APLF: variants seen among roughly 807,000 people sequenced by gnomAD.
APLF encodes aprataxin and PNK-like factor.
Under a neutral mutation model 55.6 loss-of-function variants are expected in APLF, and 61 were observed. That is an observed-to-expected ratio of 1.10 (90% confidence interval 0.89 to 1.36). APLF has a LOEUF of 1.36. Ranked by LOEUF, APLF falls within the 40% of genes most tolerant of loss-of-function variation. The pLI is 0.00. For missense variants in APLF, 611 were observed against 602.5 expected (o/e 1.01, Z -0.15); for synonymous variants, 207 against 214.8 (o/e 0.96, Z 0.32).
intron 5 of APLF, among the ~76,000 whole-genome samples, chr2:68,521,277 G>C (rs79750039): frequency 6.6e-6 from 1 of 151,644 alleles, no homozygotes; most frequent in East Asian, 1.9e-4. Flanking sequence ...TTATATCGTT[G>C]GCAAATGGTG....
At chr2:68,522,336 T>C (rs1669920373) in intron 5 of APLF, among the ~76,000 whole-genome samples, 1 of 151,942 alleles carries the variant, frequency 6.6e-6, no homozygotes, top group Non-Finnish European at 1.5e-5. Context: ...GTAATGATAT[T>C]GGTAGATATC....
intron 6 of APLF, among the ~76,000 whole-genome samples, chr2:68,533,288 T>C (rs374738180): frequency 5.3e-5 from 8 of 152,350 alleles, no homozygotes; most frequent in African/African-American, 1.9e-4. Flanking sequence ...GTTTGTGATA[T>C]TCTGTTATCA....
At chr2:68,503,410 G>GT (rs1482013799) in intron 3 of APLF, among the ~76,000 whole-genome samples, 1 of 151,998 alleles carries the variant, frequency 6.6e-6, no homozygotes, top group Non-Finnish European at 1.5e-5. Flanking sequence ...TCATACACTA[G>GT]TTTTTTTAGT....
intron 9 of APLF, among the ~76,000 whole-genome samples, chr2:68,573,131 T>C (rs1671517723): frequency 6.6e-6 from 1 of 152,192 alleles, no homozygotes; most frequent in Non-Finnish European, 1.5e-5. Context: ...TTAAAGAGTT[T>C]ATTATTTTTT....
Position 68,529,092 on chromosome 2 carries a change from G to C in APLF, c.804+2850G>C. 7.2e-7 allele frequency: 1 copy of C among 1,389,434 alleles called. No individual in the cohort carries two copies. The highest frequency in any genetic ancestry group is 9.9e-7 in the Non-Finnish European group (1 of 1,013,624). 86.1% of individuals were successfully genotyped at this position (1,389,434 alleles called of 1,614,324 possible). On this transcript the variant is annotated intron_variant, in intron 6 of 9. Transcript: ENST00000303795. The surrounding 1 kb of genome is among the most constrained non-coding windows in gnomAD (Gnocchi z 4.4). ...TGAAGGTTAAACTTGCCTCTGAGAC[G>C]AGGGATCCTCACGGGGCTGAGGTAT...
chr2:68,556,845 A>AT (rs1671030695), intron 8 of APLF, among the ~76,000 whole-genome samples: 2 of 152,176 alleles, frequency 1.3e-5, no homozygotes, highest in Non-Finnish European at 2.9e-5. Context: ...ATCAACTATA[A>AT]GTGCTCTCAG....
Position 68,518,837 on chromosome 2 carries a change from T to C in APLF, c.622+5157T>C, listed in dbSNP as rs564505544. Among the ~76,000 whole-genome samples the C allele has an allele frequency of 6.5e-3, 687 of 105,294 alleles. 29 individuals carry two copies. Among genetic ancestry groups the C allele is most frequent in the Admixed American group, 0.06 (599 of 10,044 alleles). The allele number at this position is 105,294 out of a possible 152,430, so 69.1% of individuals were successfully genotyped here. On this transcript the variant is annotated intron_variant, in intron 5 of 9. Transcript: ENST00000303795. ...TAAAATATTAGTAATATATCATTAA[T>C]ATGTAATAAAATACTAATATTATGT... is the stretch of plus-strand genomic sequence containing the variant.
chr2:68,512,497 C>A (rs1573197471), intron 3 of APLF, among the ~76,000 whole-genome samples: 1 of 151,872 alleles, frequency 6.6e-6, no homozygotes, highest in East Asian at 1.9e-4. Context: ...TTTGGATGAC[C>A]TTACTGCATA....
intron 3 of APLF, among the ~76,000 whole-genome samples, 154 bp downstream of exon 3, chr2:68,503,057 CAT>C (rs1172941823): frequency 1.3e-5 from 2 of 151,960 alleles, no homozygotes; most frequent in African/African-American, 2.4e-5. Flanking sequence ...CATGCCTTTG[CAT>C]GTGTGTGTGT....
chr2:68,529,252 C>A lies in APLF; in HGVS notation c.804+3010C>A, dbSNP rs2103989497. 7.8e-7 allele frequency: 1 copy of A among 1,289,184 alleles called. No homozygotes were observed. Among genetic ancestry groups the A allele is most frequent in the Non-Finnish European group, 1.0e-6 (1 of 972,204 alleles). The allele number at this position is 1,289,184 out of a possible 1,614,324, so 79.9% of individuals were successfully genotyped here. On this transcript the variant is annotated intron_variant, in intron 6 of 9. Coordinates refer to ENST00000303795, the MANE Select transcript of APLF (RefSeq NM_173545.3). This position sits in a 1 kb window ranked among gnomAD's most constrained non-coding sequence, Gnocchi z 4.4. ...GACACAGCCTCATAAGGGTGCCGTC[C>A]CACCTGCCTGGAAAAGAAGGCCCAA...
At chr2:68,543,627 G>A (rs1670619682) in intron 7 of APLF, among the ~76,000 whole-genome samples, 1 of 152,108 alleles carries the variant, frequency 6.6e-6, no homozygotes, top group Admixed American at 6.5e-5. Context: ...TGCATCAGAA[G>A]GCTTATACGA....
At chr2:68,469,014 G>GT (rs1553366882) in intron 1 of APLF, among the ~76,000 whole-genome samples, 5 of 147,408 alleles carry the variant, frequency 3.4e-5, no homozygotes, top group East Asian at 1.9e-4. Context: ...GTGTGTGTGT[G>GT]TGTGTGTTGT....
intron 5 of APLF, among the ~76,000 whole-genome samples, chr2:68,518,312 T>C (rs1258078487): frequency 1.8e-5 from 2 of 113,338 alleles, no homozygotes; most frequent in African/African-American, 3.6e-5. Context: ...TTATATATTA[T>C]TTAATAATAT....
At chr2:68,513,402 A>T (rs964037412) in intron 4 of APLF, 146 bp from the exon 5 acceptor site, 1 of 1,233,258 alleles carries the variant, frequency 8.1e-7, no homozygotes, top group Non-Finnish European at 1.1e-6. Flanking sequence ...AAACTAATAG[A>T]AATAATTTCT....
chr2:68,470,316 G>A (rs1675577305), intron 1 of APLF, among the ~76,000 whole-genome samples: 1 of 152,182 alleles, frequency 6.6e-6, no homozygotes. Flanking sequence ...AAAAAATTAG[G>A]CAGCAGGGCA....
intron 3 of APLF, among the ~76,000 whole-genome samples, chr2:68,504,812 T>C (rs1476463816): frequency 1.3e-5 from 2 of 152,070 alleles, no homozygotes; most frequent in East Asian, 1.9e-4. Context: ...GTGTCTATTA[T>C]ATGATTACAT....
chr2:68,492,585 G>A (rs1161335922), intron 2 of APLF, among the ~76,000 whole-genome samples: 1 of 152,164 alleles, frequency 6.6e-6, no homozygotes, highest in African/African-American at 2.4e-5. Flanking sequence ...TATCCAGTAT[G>A]TACTGAGCCA....
intron 8 of APLF, among the ~76,000 whole-genome samples, chr2:68,557,857 G>A (rs886229626): frequency 1.3e-5 from 2 of 151,698 alleles, no homozygotes; most frequent in Non-Finnish European, 2.9e-5. Context: ...GTTACAGGGA[G>A]CTGAGATCGC....
intron 6 of APLF, among the ~76,000 whole-genome samples, chr2:68,530,710 T>C (rs1159866431): frequency 1.3e-5 from 2 of 152,174 alleles, no homozygotes; most frequent in Non-Finnish European, 2.9e-5. Context: ...ACCACACACA[T>C]GATGCCCTAA....
Sources: gnomAD v4.1 joint callset for allele counts (sites outside exome capture counted in the v4.1 genomes callset) on GRCh38, gnomAD v4.1.1 for gene constraint, Gnocchi (gnomAD v3.1) non-coding constraint, MANE v1.5 for transcripts, NCBI Gene and HGNC (gene_info 2026-07-23, HGNC 2026-07-21) for gene names.